Variants in SGCG observed in about 807,000 individuals in gnomAD.
SGCG encodes the protein sarcoglycan gamma, also known as gamma-sarcoglycan.
Under a neutral mutation model 29.3 loss-of-function variants are expected in SGCG, and 26 were observed. The ratio of observed to expected loss-of-function variants is 0.89; its 90% confidence interval spans 0.65 to 1.23. The LOEUF is 1.23. SGCG is among the 50% of genes most tolerant of loss of function. The pLI is 0.00. For synonymous variants in SGCG, 145 were observed against 129.7 expected, an observed-to-expected ratio of 1.12 and a Z score of -0.80; for missense variants, 353 against 356.0, an observed-to-expected ratio of 0.99 and a Z score of 0.07.
chr13:23,244,815 T>A (rs1253160603), intron 3 of SGCG: 7 of 152,096 alleles, frequency 4.6e-5, no homozygotes, highest in African/African-American at 1.7e-4. Context: ...CACCAAGAAC[T>A]GTGATAAAGA....
intron 4 of SGCG, among the ~76,000 whole-genome samples, chr13:23,262,475 G>A (rs958578871): frequency 6.6e-6 from 1 of 151,722 alleles, no homozygotes; most frequent in African/African-American, 2.4e-5. Flanking sequence ...CAATATATAC[G>A]TACTTAAGTC....
intron 6 of SGCG, among the ~76,000 whole-genome samples, chr13:23,318,464 A>T (rs1266068475): frequency 2.7e-5 from 4 of 150,184 alleles, no homozygotes; most frequent in African/African-American, 9.7e-5. Context: ...ATATTTATAT[A>T]TAATATATAT....
At chr13:23,165,982 T>C in the SGCG span, among the ~76,000 whole-genome samples, 1 of 152,202 alleles carries the variant, frequency 6.6e-6, no homozygotes, top group Non-Finnish European at 1.5e-5. Context: ...ATCTTGTCAT[T>C]TGTGAACACG....
intron 5 of SGCG, among the ~76,000 whole-genome samples, chr13:23,283,011 T>G (rs1167666227): frequency 2.6e-5 from 4 of 152,216 alleles, no homozygotes; most frequent in Admixed American, 6.5e-5. Context: ...TTCTTTTGCA[T>G]TTGCTGAGAA....
chr13:23,170,770 G>C, the SGCG span, among the ~76,000 whole-genome samples: 2 of 152,180 alleles, frequency 1.3e-5, no homozygotes, highest in Non-Finnish European at 1.5e-5. Context: ...GAGGATGAGA[G>C]GTGAGGAGCG....
chr13:23,269,865 G>GTT (rs759448810), intron 4 of SGCG, among the ~76,000 whole-genome samples: 54 of 101,286 alleles, frequency 5.3e-4, no homozygotes, highest in Middle Eastern at 0.014. Context: ...GCTTTTTTTT[G>GTT]TTTTTTTTGT....
chr13:23,174,438 A>G, the SGCG span, among the ~76,000 whole-genome samples: 3 of 152,344 alleles, frequency 2.0e-5, no homozygotes, highest in Non-Finnish European at 4.4e-5. Context: ...CGAGAAAGTC[A>G]TGATCCAACC....
chr13:23,167,312 A>G, the SGCG span, among the ~76,000 whole-genome samples: 1 of 152,104 alleles, frequency 6.6e-6, no homozygotes, highest in African/African-American at 2.4e-5. Flanking sequence ...TAATCTGTTG[A>G]TGAATATAGG....
upstream of SGCG, among the ~76,000 whole-genome samples, chr13:23,180,449 G>A (rs1414350362): frequency 6.6e-6 from 1 of 152,172 alleles, no homozygotes; most frequent in Non-Finnish European, 1.5e-5. Context: ...CTCCTCAGAT[G>A]TTAAAAGTTT....
chr13:23,231,714 T>C (rs1879120790), intron 2 of SGCG, among the ~76,000 whole-genome samples: 1 of 152,222 alleles, frequency 6.6e-6, no homozygotes. Flanking sequence ...ATAAACTATA[T>C]TATAAATGCC....
chr13:23,168,366 A>G, the SGCG span, among the ~76,000 whole-genome samples: 1 of 152,276 alleles, frequency 6.6e-6, no homozygotes, highest in South Asian at 2.1e-4. Flanking sequence ...TGTTTTCCCT[A>G]AACTATAATA....
At chr13:23,285,205 C>T (rs1432925602) in intron 5 of SGCG, among the ~76,000 whole-genome samples, 1 of 152,174 alleles carries the variant, frequency 6.6e-6, no homozygotes, top group African/African-American at 2.4e-5. Flanking sequence ...GAAGCTGCAC[C>T]CACAGCCGCC....
intron 6 of SGCG, among the ~76,000 whole-genome samples, chr13:23,314,752 T>G (rs993523422): frequency 6.6e-6 from 1 of 152,048 alleles, no homozygotes; most frequent in African/African-American, 2.4e-5. Context: ...TCAGTAAAAT[T>G]TTTAGGGGTC....
intron 1 of SGCG, among the ~76,000 whole-genome samples, chr13:23,192,732 TA>T: frequency 6.6e-6 from 1 of 152,198 alleles, no homozygotes; most frequent in East Asian, 1.9e-4. Flanking sequence ...ATGAGAGATG[TA>T]TGAAGTATGA....
At chr13:23,226,813 T>C (rs1878916691) in intron 2 of SGCG, among the ~76,000 whole-genome samples, 1 of 151,864 alleles carries the variant, frequency 6.6e-6, no homozygotes, top group Non-Finnish European at 1.5e-5. Flanking sequence ...ATGAAAAGAG[T>C]TCTGGAAGGG....
intron 2 of SGCG, among the ~76,000 whole-genome samples, chr13:23,223,276 C>CAAAAAAAAAAAA (rs10569811): frequency 9.6e-6 from 1 of 103,830 alleles, no homozygotes; most frequent in Non-Finnish European, 1.9e-5. Context: ...GACTCTGTCA[C>CAAAAAAAAAAAA]AAAAAAAAAA....
At chr13:23,295,339 T>G in intron 5 of SGCG, 76 bp from the exon 6 acceptor site, 1 of 1,162,720 alleles carries the variant, frequency 8.6e-7, no homozygotes, top group South Asian at 1.2e-5. Flanking sequence ...TTCTTTAATA[T>G]CTAGGCTAAA....
intron 5 of SGCG, among the ~76,000 whole-genome samples, chr13:23,286,387 A>G (rs1486604111): frequency 6.6e-6 from 1 of 152,262 alleles, no homozygotes; most frequent in African/African-American, 2.4e-5. Context: ...GCCAGCAACT[A>G]AAGAAGTGAA....
At chr13:23,252,820 C>A (rs1880027294) in intron 4 of SGCG, among the ~76,000 whole-genome samples, 1 of 152,104 alleles carries the variant, frequency 6.6e-6, no homozygotes, top group Non-Finnish European at 1.5e-5. Flanking sequence ...TATAAACCTG[C>A]CTCTCATTTC....
Sources: allele counts gnomAD v4.1 joint callset (sites outside exome capture counted in the v4.1 genomes callset), GRCh38; gene constraint gnomAD v4.1.1; transcripts MANE v1.5; gene names NCBI Gene and HGNC (gene_info 2026-07-23, HGNC 2026-07-21).